The following CEP63 variants were observed in gnomAD, a reference collection of about 807,000 sequenced individuals.
CEP63 encodes centrosomal protein of 63 kDa.
A neutral mutation model predicts 89.1 loss-of-function variants in CEP63; 84 were observed. The observed-to-expected ratio is 0.94, with a 90% CI of 0.79 to 1.13. The LOEUF (loss-of-function observed/expected upper bound fraction) is 1.13, where lower values mean the gene tolerates loss of function less well. Ranked by LOEUF, CEP63 falls within the 50% of genes most tolerant of loss-of-function variation. CEP63 has a pLI of 0.00. For synonymous variants in CEP63, 267 were observed against 272.5 expected (o/e 0.98, Z 0.20); for missense variants, 838 against 813.3 (o/e 1.03, Z -0.37).
chr3:134,610,085 G>C, the CEP63 span: 1 of 1,211,926 alleles, frequency 8.3e-7, no homozygotes. Flanking sequence ...GGGGCCTCCT[G>C]GCTCTCCTTC....
At chr3:134,556,423 T>C (rs1464298655) in intron 12 of CEP63, among the ~76,000 whole-genome samples, 3 of 150,936 alleles carry the variant, frequency 2.0e-5, no homozygotes, top group Non-Finnish European at 4.4e-5. Flanking sequence ...GAGGAGACAA[T>C]AGCTAAACAT....
chr3:134,779,928 T>C, the CEP63 span: 3 of 152,248 alleles, frequency 2.0e-5, no homozygotes, highest in Admixed American at 2.0e-4. Context: ...ATCTTTATTA[T>C]GTCAGCCTGT....
the CEP63 span, among the ~76,000 whole-genome samples, chr3:134,728,922 A>G: frequency 5.9e-5 from 9 of 152,158 alleles, no homozygotes; most frequent in African/African-American, 2.2e-4. Context: ...TATATAAAAG[A>G]GAAGAATGCT....
chr3:134,561,496 G>C lies in CEP63; in HGVS notation c.2073G>C (p.Glu691Asp). The C allele has an allele frequency of 6.2e-7, 1 of 1,613,886 alleles. No homozygotes were observed. Among genetic ancestry groups the C allele is most frequent in the Non-Finnish European group, 8.5e-7 (1 of 1,179,932 alleles). The change falls in exon 15 of 15, where the codon GAG becomes GAC. Residue 691 changes from glutamate to aspartate, a missense_variant. Transcript: ENST00000675561. ...LDAHIEELKRESEKTVRQFTA... is the reference protein window; with the variant it reads ...LDAHIEELKRDSEKTVRQFTA... ...CCCATATTGAAGAACTAAAAAGAGA[G>C]AGTGAAAAGACAGTGAGACAATTCA...
At position 134,564,296 on chromosome 3, in the gene CEP63, C is replaced by G; in HGVS notation, c.*2761C>G. On this transcript the variant is annotated 3_prime_UTR_variant, in exon 15 of 15. Coordinates refer to ENST00000675561, the MANE Select transcript of CEP63 (RefSeq NM_001353108.3). ...ACATCGTTTCTTTTGTGTTGGTGTG[C>G]ATGCTGTCCTTCAGTTTGTCTCCTC... 1 of 985,320 alleles carries G rather than the reference C, an allele frequency of 1.0e-6. No individual in the cohort carries two copies. The highest frequency in any genetic ancestry group is 1.2e-6 in the Non-Finnish European group (1 of 829,902). 61.0% of individuals were successfully genotyped at this position (985,320 alleles called of 1,614,324 possible).
At chr3:134,682,158 C>T in the CEP63 span, among the ~76,000 whole-genome samples, 1 of 152,184 alleles carries the variant, frequency 6.6e-6, no homozygotes, top group South Asian at 2.1e-4. Context: ...TCTCCCATTA[C>T]ACCTGATAAA....
At chr3:134,725,477 C>T in the CEP63 span, among the ~76,000 whole-genome samples, 2 of 152,144 alleles carry the variant, frequency 1.3e-5, no homozygotes, top group Non-Finnish European at 2.9e-5. Context: ...GCCACCCAAC[C>T]CCCAACAAGA....
At chr3:134,714,277 A>T in the CEP63 span, among the ~76,000 whole-genome samples, 2 of 152,184 alleles carry the variant, frequency 1.3e-5, no homozygotes, top group Non-Finnish European at 2.9e-5. Context: ...AGGGAAAATC[A>T]TTTGAGGTTG....
chr3:134,701,465 T>TAC, the CEP63 span, among the ~76,000 whole-genome samples: 11 of 145,060 alleles, frequency 7.6e-5, no homozygotes, highest in Admixed American at 2.1e-4. Context: ...TATATATACA[T>TAC]ACACACACAC....
chr3:134,523,590 T>C (rs927525809), intron 3 of CEP63, among the ~76,000 whole-genome samples: 1 of 152,234 alleles, frequency 6.6e-6, no homozygotes, highest in Non-Finnish European at 1.5e-5. Context: ...GGGGTCCAGT[T>C]GCAATCTTCT....
chr3:134,736,416 G>A, the CEP63 span, among the ~76,000 whole-genome samples: 1 of 152,100 alleles, frequency 6.6e-6, no homozygotes, highest in African/African-American at 2.4e-5. Flanking sequence ...CCATTTGAGA[G>A]TTATATAATT....
At chr3:134,627,172 A>G in the CEP63 span, among the ~76,000 whole-genome samples, 2 of 152,368 alleles carry the variant, frequency 1.3e-5, no homozygotes, top group Non-Finnish European at 2.9e-5. Context: ...AGGAGATTAT[A>G]TAAGATCTAA....
At chr3:134,782,346 A>C in the CEP63 span, among the ~76,000 whole-genome samples, 1 of 152,160 alleles carries the variant, frequency 6.6e-6, no homozygotes, top group Non-Finnish European at 1.5e-5. Context: ...TTAATTACTG[A>C]TTCAAATTCT....
chr3:134,766,413 C>G, the CEP63 span, among the ~76,000 whole-genome samples: 1 of 152,258 alleles, frequency 6.6e-6, no homozygotes, highest in African/African-American at 2.4e-5. Flanking sequence ...GGCAGTACTT[C>G]CCTGCCTCCT....
Position 134,564,287 on chromosome 3 carries a change from GT to G in CEP63, c.*2754del. The G allele has an allele frequency of 3.0e-6, 3 of 985,414 alleles. No homozygotes were observed. The highest frequency in any genetic ancestry group is 3.6e-6 in the Non-Finnish European group (3 of 829,958). The allele number at this position is 985,414 out of a possible 1,614,324, so 61.0% of individuals were successfully genotyped here. A position where few individuals can be genotyped will look rare whatever the true frequency, so the allele number is the denominator to read the frequency against. On this transcript the variant is annotated 3_prime_UTR_variant, in exon 15 of 15. Transcript: ENST00000675561. ...AGGTGCACCACATCGTTTCTTTTGTGTTGGTGTGCATGCTGTCCTTCAGTTT... is the reference window on the plus strand; with the variant it reads ...AGGTGCACCACATCGTTTCTTTTGTGTGGTGTGCATGCTGTCCTTCAGTTT...
At chr3:134,598,895 C>T in the CEP63 span, among the ~76,000 whole-genome samples, 9 of 152,220 alleles carry the variant, frequency 5.9e-5, no homozygotes, top group Admixed American at 1.3e-4. Flanking sequence ...GTTCTGCTTG[C>T]AAAATCAGAC....
rs114397347 is a variant in CEP63 at position 134,505,076 on chromosome 3, A to T, written c.45-2033A>T. ...TCTATCTCACTGAGTTTATTTAATA[A>T]CATTATTTTGAATTCTTTTATAGGC... is the stretch of plus-strand genomic sequence containing the variant. On this transcript the variant is annotated intron_variant, in intron 2 of 14. Transcript: ENST00000675561. Among the ~76,000 whole-genome samples, 523 of 152,236 alleles carry T rather than the reference A, an allele frequency of 3.4e-3. 7 individuals carry two copies. The highest frequency in any genetic ancestry group is 0.012 in the African/African-American group (504 of 41,526).
chr3:134,639,184 C>T, the CEP63 span, among the ~76,000 whole-genome samples: 1 of 151,068 alleles, frequency 6.6e-6, no homozygotes, highest in African/African-American at 2.4e-5. Context: ...CAGAGACATG[C>T]TGTGATTCCA....
In CEP63 at chr3:134,584,436, A is replaced by G. The variant is rs1011864922; in HGVS notation, c.1207-3022A>G. On this transcript the variant is annotated intron_variant, in intron 10 of 10. Transcript: ENST00000683931. ...CTTTTCTGCATCTATTGAGATAATC[A>G]TGTGGTTTTTGTCGTTGGTTCTGTT... Among the ~76,000 whole-genome samples the G allele has an allele frequency of 7.9e-5, 12 of 152,274 alleles. 1 individual carries two copies. The highest frequency in any genetic ancestry group is 5.9e-4 in the Admixed American group (9 of 15,284).
Sources: allele counts gnomAD v4.1 joint callset (sites outside exome capture counted in the v4.1 genomes callset), GRCh38; gene constraint gnomAD v4.1.1; transcripts MANE v1.5; gene names NCBI Gene and HGNC (gene_info 2026-07-23, HGNC 2026-07-21).